TTC6: variants seen among roughly 807,000 people sequenced by gnomAD.
The protein encoded by TTC6 is tetratricopeptide repeat domain 6, also known as tetratricopeptide repeat protein 6.
TTC6 carries 172 observed loss-of-function variants against 210.4 expected under a neutral mutation model. The ratio of observed to expected loss-of-function variants is 0.82; its 90% CI spans 0.72 to 0.93. TTC6 has a LOEUF of 0.93. TTC6 is among the 40% of genes least tolerant of loss of function. The pLI, the probability that TTC6 is intolerant of heterozygous loss-of-function variation, is 0.00. For missense variants in TTC6, 2,414 were observed against 2,318.1 expected, an observed-to-expected ratio of 1.04 and a Z score of -0.85; for synonymous variants, 804 against 819.6, an observed-to-expected ratio of 0.98 and a Z score of 0.32.
chr14:37,800,070 A>G (rs1281309294), intron 20 of TTC6, among the ~76,000 whole-genome samples: 2 of 152,174 alleles, frequency 1.3e-5, no homozygotes, highest in African/African-American at 2.4e-5. Flanking sequence ...AAATACCTGC[A>G]AATGTAGGAG....
At chr14:37,741,777 G>A (rs2095920586) in intron 10 of TTC6, among the ~76,000 whole-genome samples, 1 of 152,088 alleles carries the variant, frequency 6.6e-6, no homozygotes, top group South Asian at 2.1e-4. Context: ...GAAAGCTACT[G>A]GAGCCATCTC....
intron 1 of TTC6, among the ~76,000 whole-genome samples, chr14:37,640,437 A>G (rs2095689695): frequency 6.6e-6 from 1 of 152,198 alleles, no homozygotes; most frequent in African/African-American, 2.4e-5. Context: ...TTCAGGTACA[A>G]TTACTTGGAT....
At chr14:37,709,313 G>C (rs1225525784) in intron 5 of TTC6, among the ~76,000 whole-genome samples, 1 of 152,068 alleles carries the variant, frequency 6.6e-6, no homozygotes, top group African/African-American at 2.4e-5. Flanking sequence ...TGAGGAGACT[G>C]AGGCAAAGCT....
At chr14:37,763,879 A>G (rs2095991351) in intron 14 of TTC6, among the ~76,000 whole-genome samples, 1 of 151,622 alleles carries the variant, frequency 6.6e-6, no homozygotes, top group Non-Finnish European at 1.5e-5. Flanking sequence ...TTGGCTTATT[A>G]AGGCAGAAAG....
At chr14:37,752,035 C>T (rs2095953865) in intron 13 of TTC6, among the ~76,000 whole-genome samples, 1 of 151,914 alleles carries the variant, frequency 6.6e-6, no homozygotes, top group Admixed American at 6.6e-5. Context: ...CTGTGTTCGC[C>T]AGGATGGTCT....
chr14:37,818,931 G>T (rs1370987706), intron 26 of TTC6, among the ~76,000 whole-genome samples: 1 of 152,096 alleles, frequency 6.6e-6, no homozygotes, highest in Admixed American at 6.6e-5. Flanking sequence ...CTAAAAACAG[G>T]CTCCAAAACT....
chr14:37,749,750 T>G lies in TTC6; in HGVS notation c.2863T>G (p.Trp955Gly). 2.1e-6 allele frequency: 3 copies of G among 1,459,128 alleles called. No homozygotes were observed. In the South Asian group the frequency reaches 4.3e-5, roughly 21 times the overall value. The allele number at this position is 1,459,128 out of a possible 1,614,324, so 90.4% of individuals were successfully genotyped here. The change falls in exon 12 of 31, where the codon TGG becomes GGG. Residue 955 changes from tryptophan to glycine, a missense_variant. Physicochemically the swap from Trp to Gly is radical, Grantham distance 184. Transcript: ENST00000553443. ...GGAACCATTGTTTCTCAATGCCTAT[T>G]GGCATCGACATTTAATTTATCTTTT...
chr14:37,692,587 G>A (rs2095805931), intron 3 of TTC6, among the ~76,000 whole-genome samples: 2 of 151,998 alleles, frequency 1.3e-5, no homozygotes, highest in South Asian at 4.2e-4. Context: ...TTACCGGTGT[G>A]GTGGCTCACA....
chr14:37,597,412 A>C (rs2095606724), intron 1 of TTC6, among the ~76,000 whole-genome samples: 1 of 152,088 alleles, frequency 6.6e-6, no homozygotes, highest in African/African-American at 2.4e-5. Context: ...ATGGATAGTA[A>C]TAGCTTTTAT....
rs1247875034 is a variant in TTC6 at position 37,752,614 on chromosome 14, T to A, written c.3130-485T>A. Among the ~76,000 whole-genome samples the A allele has an allele frequency of 2.0e-5, 3 of 152,102 alleles. No homozygotes were observed. The East Asian group carries it at 5.8e-4, about 29-fold the overall frequency. On this transcript the variant is annotated intron_variant, in intron 13 of 30. Transcript: ENST00000553443. The stretch of plus-strand genomic sequence containing the variant: ...AAGAGCTTTATAATTGATATATGAT[T>A]TAGTCTGTTTATTACTTTGTATGTC...
intron 20 of TTC6, among the ~76,000 whole-genome samples, chr14:37,804,365 C>T (rs1352644773): frequency 6.6e-6 from 1 of 152,276 alleles, no homozygotes; most frequent in East Asian, 1.9e-4. Flanking sequence ...AAATTTAAGC[C>T]TGACTTAAGC....
intron 1 of TTC6, among the ~76,000 whole-genome samples, chr14:37,639,902 G>A: frequency 2.1e-5 from 3 of 142,884 alleles, no homozygotes. Flanking sequence ...AAAAAAAAAA[G>A]GAAAGAAAAA....
At chr14:37,766,834 G>T (rs568986794) in intron 14 of TTC6, among the ~76,000 whole-genome samples, 1 of 151,982 alleles carries the variant, frequency 6.6e-6, no homozygotes. Context: ...AAGTTTTAGG[G>T]TACATGTGCA....
chr14:37,748,195 T>C (rs1366653897), intron 10 of TTC6, among the ~76,000 whole-genome samples: 2 of 152,218 alleles, frequency 1.3e-5, no homozygotes, highest in East Asian at 3.9e-4. Flanking sequence ...AGATAACTTA[T>C]GAAAGTAAGG....
chr14:37,744,065 T>C (rs2095928820), intron 10 of TTC6, among the ~76,000 whole-genome samples: 1 of 152,212 alleles, frequency 6.6e-6, no homozygotes, highest in South Asian at 2.1e-4. Context: ...GAAGGCAAAG[T>C]TTATCAGCTT....
intron 1 of TTC6, among the ~76,000 whole-genome samples, chr14:37,648,225 G>A (rs2095705129): frequency 6.6e-6 from 1 of 152,142 alleles, no homozygotes; most frequent in African/African-American, 2.4e-5. Flanking sequence ...TAAACCAAAG[G>A]CTGCTAGAGT....
intron 25 of TTC6, among the ~76,000 whole-genome samples, chr14:37,814,246 T>A (rs1032292741): frequency 3.3e-5 from 5 of 152,156 alleles, no homozygotes; most frequent in African/African-American, 9.7e-5. Flanking sequence ...GGCCTTTTCT[T>A]ATTCCTTGGA....
intron 1 of TTC6, among the ~76,000 whole-genome samples, chr14:37,650,298 C>G (rs966299835): frequency 1.3e-5 from 2 of 152,214 alleles, no homozygotes; most frequent in Admixed American, 1.3e-4. Flanking sequence ...CCCCCAAACC[C>G]TGCATTCAGC....
intron 1 of TTC6, among the ~76,000 whole-genome samples, chr14:37,642,386 T>C (rs1487987632): frequency 6.6e-6 from 1 of 152,174 alleles, no homozygotes; most frequent in Non-Finnish European, 1.5e-5. Context: ...ACATTTGCAA[T>C]TGGTTATATG....
Sources: allele counts gnomAD v4.1 joint callset (sites outside exome capture counted in the v4.1 genomes callset), GRCh38; gene constraint gnomAD v4.1.1; transcripts MANE v1.5; gene names NCBI Gene and HGNC (gene_info 2026-07-23, HGNC 2026-07-21).